ERICH5: variants seen among roughly 807,000 people sequenced by gnomAD.
ERICH5 encodes the protein glutamate-rich protein 5.
In ERICH5, 24 loss-of-function variants were observed where a neutral mutation model predicts 28.0. The observed-to-expected ratio is 0.86, with a 90% CI of 0.62 to 1.21. The LOEUF is 1.21. Ranked by LOEUF, ERICH5 falls within the 50% of genes most tolerant of loss-of-function variation. The pLI is 0.00. For missense variants in ERICH5, 421 were observed against 441.2 expected, an observed-to-expected ratio of 0.95 and a Z score of 0.41; for synonymous variants, 163 against 157.6, an observed-to-expected ratio of 1.03 and a Z score of -0.25.
chr8:98,092,013 T>TCCTTCCTTCCTTCCTTCCTC (rs1815418300), intron 2 of ERICH5, among the ~76,000 whole-genome samples: 1 of 143,494 alleles, frequency 7.0e-6, no homozygotes, highest in Non-Finnish European at 1.5e-5. Context: ...CTTCCTTCCT[T>TCCTTCCTTCCTTCCTTCCTC]CCTTCCTTCC....
intron 1 of ERICH5, among the ~76,000 whole-genome samples, chr8:98,079,321 C>T (rs918267441): frequency 6.6e-6 from 1 of 151,736 alleles, no homozygotes; most frequent in Non-Finnish European, 1.5e-5. Context: ...CAGGTGCATG[C>T]CACCATGCCC....
chr8:98,085,537 A>G (rs149029509), intron 1 of ERICH5, among the ~76,000 whole-genome samples: 521 of 150,450 alleles, frequency 3.5e-3, no homozygotes, highest in Non-Finnish European at 6.0e-3. Flanking sequence ...TGTTACAAAT[A>G]AAGATGCTAT....
At chr8:98,069,158 G>A (rs537634869) in intron 1 of ERICH5, among the ~76,000 whole-genome samples, 3 of 152,010 alleles carry the variant, frequency 2.0e-5, no homozygotes, top group African/African-American at 7.3e-5. Flanking sequence ...TGTGTGCCTT[G>A]TGTCATTTCT....
chr8:98,092,157 C>T lies in ERICH5; in HGVS notation c.1013-1064C>T, dbSNP rs553903329. On this transcript the variant is annotated intron_variant, in intron 2 of 2. Transcript: ENST00000318528. ...GGACTACAGGAATGTGCCACCATGCCTGGCTAATTTTTTTTTCTTTTAAAA... is the reference window on the plus strand; with the variant it reads ...GGACTACAGGAATGTGCCACCATGCTTGGCTAATTTTTTTTTCTTTTAAAA... 4.6e-5 allele frequency among the ~76,000 whole-genome samples: 7 copies of T among 151,794 alleles called. No homozygotes were observed. In the South Asian group the frequency reaches 1.5e-3, roughly 32 times the overall value.
In ERICH5 at chr8:98,093,500, T is replaced by C. The variant is rs921125488; in HGVS notation, c.*167T>C. ...AAGGATGTTTCTGTGTTCTTGATTA[T>C]ATTGTTCTGCAAAACTGCTAAGCCA... On this transcript the variant is annotated 3_prime_UTR_variant, in exon 3 of 3. Coordinates refer to ENST00000318528, the MANE Select transcript of ERICH5 (RefSeq NM_173549.3). 2.1e-6 allele frequency: 1 copy of C among 471,992 alleles called. No individual in the cohort carries two copies. Among genetic ancestry groups the C allele is most frequent in the Non-Finnish European group, 3.8e-6 (1 of 266,654 alleles). 29.2% of individuals were successfully genotyped at this position (471,992 alleles called of 1,614,324 possible).
chr8:98,077,689 C>T (rs909290816), intron 1 of ERICH5, among the ~76,000 whole-genome samples: 4 of 152,062 alleles, frequency 2.6e-5, no homozygotes, highest in African/African-American at 9.7e-5. Flanking sequence ...TCCAAGAGTA[C>T]CTTTCTAATT....
intron 1 of ERICH5, among the ~76,000 whole-genome samples, chr8:98,073,480 A>AATTTTTTTTT (rs1563753467): frequency 1.5e-3 from 3 of 1,982 alleles, no homozygotes; most frequent in Non-Finnish European, 2.7e-3. Context: ...ATATATATAT[A>AATTTTTTTTT]TATATGTATA....
At chr8:98,088,909 C>T (rs2130532823) in intron 1 of ERICH5, among the ~76,000 whole-genome samples, 167 bp from the exon 2 acceptor site, 1 of 152,250 alleles carries the variant, frequency 6.6e-6, no homozygotes. Flanking sequence ...AGGGATTTGA[C>T]TGGGAGAGTG....
intron 1 of ERICH5, among the ~76,000 whole-genome samples, chr8:98,071,398 G>T (rs1387174006): frequency 6.6e-6 from 1 of 152,198 alleles, no homozygotes; most frequent in Non-Finnish European, 1.5e-5. Context: ...ATACGTGTGG[G>T]GGTTAATGAA....
chr8:98,091,228 G>A (rs1393758566), intron 2 of ERICH5, among the ~76,000 whole-genome samples: 2 of 152,310 alleles, frequency 1.3e-5, no homozygotes, highest in East Asian at 3.9e-4. Flanking sequence ...GAGCCACCAT[G>A]TCTGGCCAAT....
rs1428983799 is a variant in ERICH5, at chr8:98,089,639, AC to A, written c.623del (p.Thr208LysfsTer11). On this transcript the variant is annotated frameshift_variant, in exon 2 of 3. Coordinates refer to ENST00000318528, the MANE Select transcript of ERICH5 (RefSeq NM_173549.3). LOFTEE classifies it high-confidence loss of function. ...QIAGELQPQG[T>X]VGKDEQAPLL... is the part of the protein sequence containing the mutation. The stretch of plus-strand genomic sequence containing the variant: ...AGCTGGAGAGCTACAACCTCAGGGC[AC>A]AGTGGGAAAGGATGAGCAGGCCCCG... 1 of 1,613,992 alleles carries A rather than the reference AC, an allele frequency of 6.2e-7. No individual in the cohort carries two copies. The highest frequency in any genetic ancestry group is 8.5e-7 in the Non-Finnish European group (1 of 1,179,978).
rs532846092 is a variant in ERICH5, at chr8:98,091,047, C to A, written c.1012+1018C>A. Among the ~76,000 whole-genome samples the A allele has an allele frequency of 3.3e-5, 5 of 152,306 alleles. No homozygotes were observed. The South Asian group carries it at 1.0e-3, about 32-fold the overall frequency. On this transcript the variant is annotated intron_variant, in intron 2 of 2. Transcript: ENST00000318528. ...CCACCTTCTGCGTTCAAGCGATTCT[C>A]CCGCCTCAGCCTCCTGAGTAGCTGG...
intron 1 of ERICH5, among the ~76,000 whole-genome samples, chr8:98,076,390 C>CTTT (rs58330802): frequency 7.0e-6 from 1 of 143,148 alleles, no homozygotes; most frequent in African/African-American, 2.6e-5. Context: ...ATTAGAAGGC[C>CTTT]TTTTTTTTTT....
chr8:98,064,755 C>G (rs2130501564), intron 1 of ERICH5, 28 bp downstream of exon 1: 2 of 1,520,688 alleles, frequency 1.3e-6, no homozygotes, highest in East Asian at 2.5e-5. Flanking sequence ...GCCGCCCGCG[C>G]CCGGGCTGGG....
intron 1 of ERICH5, among the ~76,000 whole-genome samples, chr8:98,079,368 T>G (rs1362171621): frequency 6.6e-6 from 1 of 151,972 alleles, no homozygotes; most frequent in Non-Finnish European, 1.5e-5. Context: ...AGAACCCCTG[T>G]GCCCACCCAG....
chr8:98,068,947 G>A (rs1272403103), intron 1 of ERICH5, among the ~76,000 whole-genome samples: 1 of 152,184 alleles, frequency 6.6e-6, no homozygotes, highest in African/African-American at 2.4e-5. Flanking sequence ...ACAGTTATGT[G>A]AATTGTTCTT....
intron 2 of ERICH5, among the ~76,000 whole-genome samples, chr8:98,092,777 C>CTT (rs1038008713): frequency 2.3e-4 from 32 of 139,904 alleles, no homozygotes; most frequent in African/African-American, 3.9e-4. Flanking sequence ...TTTTCTTTTC[C>CTT]TTTTTTTTTT....
chr8:98,079,734 T>G (rs1317110208), intron 1 of ERICH5, among the ~76,000 whole-genome samples: 1 of 152,122 alleles, frequency 6.6e-6, no homozygotes, highest in Admixed American at 6.6e-5. Context: ...GAGACGGGGT[T>G]TCACCATGTT....
chr8:98,090,777 T>C (rs1158959569), intron 2 of ERICH5, among the ~76,000 whole-genome samples: 3 of 152,112 alleles, frequency 2.0e-5, no homozygotes, highest in African/African-American at 2.4e-5. Flanking sequence ...ATGTTTACAG[T>C]GTTCTTTATT....
Sources: gnomAD v4.1 joint callset for allele counts (sites outside exome capture counted in the v4.1 genomes callset) on GRCh38, gnomAD v4.1.1 for gene constraint, MANE v1.5 for transcripts, NCBI Gene and HGNC (gene_info 2026-07-23, HGNC 2026-07-21) for gene names.